Variants in CORO7 observed in about 807,000 individuals in gnomAD.
The protein encoded by CORO7 is coronin-7.
Under a neutral mutation model 126.6 loss-of-function variants are expected in CORO7, and 107 were observed. The ratio of observed to expected loss-of-function variants is 0.85; its 90% CI spans 0.72 to 0.99. The LOEUF (loss-of-function observed/expected upper bound fraction) is 0.99. Among genes scored for constraint, CORO7 ranks in the 50% least tolerant of loss-of-function variants. The pLI, the probability that CORO7 is intolerant of heterozygous loss-of-function variation, is 0.00. For synonymous variants in CORO7, 603 were observed against 536.8 expected, an observed-to-expected ratio of 1.12 and a Z score of -1.70; for missense variants, 1,314 against 1,255.8, an observed-to-expected ratio of 1.05 and a Z score of -0.70.
At chr16:4,361,928 G>T (rs774524920) in intron 16 of CORO7, 57 bp downstream of exon 16, 93 of 1,552,380 alleles carry the variant, frequency 6.0e-5, no homozygotes, top group Non-Finnish European at 8.1e-5. Flanking sequence ...AAGGCCCTCC[G>T]CGTCTTTGCC....
chr16:4,415,713 A>T (rs79615494), intron 1 of CORO7: 42,089 of 985,458 alleles, frequency 0.043, 964 homozygotes, highest in Admixed American at 0.1. Flanking sequence ...CCCAGGCCTT[A>T]CAAATAACAC....
At position 4,380,826 on chromosome 16, in the gene CORO7, C is replaced by T. The variant is rs756677606; in HGVS notation, c.785+7160G>A. ...TCCTGGCGTGTCTGCCTTCTAGGCC[C>T]CTGACTCACAGTCTTCTGTCTCTGC... On this transcript the variant is annotated intron_variant, in intron 9 of 27. Coordinates refer to ENST00000251166, the MANE Select transcript of CORO7 (RefSeq NM_024535.5). 2.2e-4 allele frequency: 309 copies of T among 1,431,198 alleles called. 1 individual carries two copies. Among genetic ancestry groups the T allele is most frequent in the Non-Finnish European group, 4.6e-5 (50 of 1,095,320 alleles). 88.7% of individuals were successfully genotyped at this position (1,431,198 alleles called of 1,614,324 possible).
intron 9 of CORO7, among the ~76,000 whole-genome samples, chr16:4,377,399 C>T (rs1430709083): frequency 1.6e-4 from 24 of 152,136 alleles, no homozygotes; most frequent in Admixed American, 1.5e-3. Context: ...TGTAGACAGC[C>T]CCCAGCCCCA....
Position 4,416,464 on chromosome 16 carries a change from G to A in CORO7, c.55C>T (p.Arg19Cys). The change falls in exon 1 of 28, where the codon CGC becomes TGC. Residue 19 changes from arginine to cysteine, a missense_variant. Coordinates refer to ENST00000251166, the MANE Select transcript of CORO7 (RefSeq NM_024535.5). ...GGTCCTCGGGCCGGACTCACCTCGC[G>A]GCGGGGCGGCCGAGCCTCGGTGTGC... ...FRHTEARPPR[R>C]ESWISDIRAG... 6.4e-7 allele frequency: 1 copy of A among 1,574,360 alleles called. No homozygotes were observed. The highest frequency in any genetic ancestry group is 8.6e-7 in the Non-Finnish European group (1 of 1,164,282).
intron 2 of CORO7, chr16:4,412,733 C>T (rs755230949): frequency 5.0e-6 from 2 of 400,274 alleles, no homozygotes. Flanking sequence ...CCGTCAGCCA[C>T]TTTTCGCACT....
intron 3 of CORO7, 31 bp downstream of exon 3, chr16:4,412,324 AG>A: frequency 6.2e-7 from 1 of 1,612,040 alleles, no homozygotes; most frequent in Non-Finnish European, 8.5e-7. Flanking sequence ...TGCAAGTTTC[AG>A]GCTTCACCCA....
chr16:4,402,967 A>C (rs2055866894), intron 6 of CORO7, among the ~76,000 whole-genome samples: 1 of 152,036 alleles, frequency 6.6e-6, no homozygotes, highest in African/African-American at 2.4e-5. Flanking sequence ...ACACAGAGGC[A>C]GGACAGGAGT....
At chr16:4,389,271 C>T (rs775406816) in intron 7 of CORO7, among the ~76,000 whole-genome samples, 17 of 152,144 alleles carry the variant, frequency 1.1e-4, no homozygotes, top group African/African-American at 1.7e-4. Context: ...GGAAGGCTCC[C>T]GGCCCCTGGG....
At chr16:4,383,274 C>T in intron 9 of CORO7, 1 of 253,388 alleles carries the variant, frequency 3.9e-6, no homozygotes. Flanking sequence ...CCGGAAAGAG[C>T]AGAGGGAGAG....
rs2054323122 is a variant in CORO7, at chr16:4,365,551, G to A, written c.786-6C>T. The stretch of plus-strand genomic sequence containing the variant: ...CCAGCAGAGGCACGAGACACCTGGG[G>A]AAGAGAGGGCAAGATGGCGGGTCAG... On this transcript the variant is annotated splice_polypyrimidine_tract_variant and splice_region_variant and intron_variant, in intron 9 of 27. Coordinates refer to ENST00000251166, the MANE Select transcript of CORO7 (RefSeq NM_024535.5). 3.2e-6 allele frequency: 5 copies of A among 1,577,838 alleles called. No individual in the cohort carries two copies. The highest frequency in any genetic ancestry group is 4.3e-6 in the Non-Finnish European group (5 of 1,161,974).
At chr16:4,381,503 A>AG (rs1456547154) in intron 9 of CORO7, 1 of 1,593,178 alleles carries the variant, frequency 6.3e-7, no homozygotes, top group Admixed American at 1.7e-5. Flanking sequence ...CAGCTGGACG[A>AG]GGGGCTCTTC....
Position 4,362,734 on chromosome 16 carries a change from C to G in CORO7, c.1280G>C (p.Gly427Ala). Reference protein sequence around the residue: ...TPVGDADASEGFSSPPSSLTS... With the variant: ...TPVGDADASEAFSSPPSSLTS... ...CAGCGAACTGGGAGGGGAAGAGAAA[C>G]CCTCCTGGGGAGGGGCATGGGGTCA... Residue 427 changes from glycine (G) to alanine (A), a missense_variant, in exon 15 of 28, where the codon GGT becomes GCT. Gly to Ala is a moderately conservative substitution (Grantham distance 60). Coordinates refer to ENST00000251166, the MANE Select transcript of CORO7 (RefSeq NM_024535.5). The surrounding 1 kb of genome is among the most constrained non-coding windows in gnomAD (Gnocchi z 5.3). 1 of 1,423,872 alleles carries G rather than the reference C, an allele frequency of 7.0e-7. No individual in the cohort carries two copies. The highest frequency in any genetic ancestry group is 2.7e-5 in the East Asian group (1 of 36,428). 88.2% of individuals were successfully genotyped at this position (1,423,872 alleles called of 1,614,324 possible). A position where few individuals can be genotyped will look rare whatever the true frequency, so the allele number is the denominator to read the frequency against.
intron 7 of CORO7, among the ~76,000 whole-genome samples, chr16:4,390,254 C>T (rs2055340702): frequency 6.6e-6 from 1 of 152,088 alleles, no homozygotes; most frequent in African/African-American, 2.4e-5. Context: ...AGCTCTGTGC[C>T]TCAGTTTCCA....
At chr16:4,391,171 CCAA>C (rs1338422122) in intron 7 of CORO7, among the ~76,000 whole-genome samples, 1 of 152,176 alleles carries the variant, frequency 6.6e-6, no homozygotes, top group African/African-American at 2.4e-5. Flanking sequence ...TGCCGTAATC[CCAA>C]CACTTTGGGA....
chr16:4,381,228 T>A, intron 9 of CORO7: 1 of 1,612,190 alleles, frequency 6.2e-7, no homozygotes. Context: ...AAATCACCAA[T>A]GAGACCTTCC....
Position 4,364,874 on chromosome 16 carries a change from C to T in CORO7, c.945G>A (p.Val315=). The T allele has an allele frequency of 2.5e-6, 4 of 1,611,890 alleles. No individual in the cohort carries two copies. The highest frequency in any genetic ancestry group is 3.4e-6 in the Non-Finnish European group (4 of 1,179,688). The change falls in exon 12 of 28, where the codon GTG becomes GTA. Residue 315 remains valine (V), a synonymous_variant. Transcript: ENST00000251166. ...TCATGACGGCCAGCGCCTGCCGGGG[C>T]ACAAGGGCAGCCCCACGCAGCACGC... ...LESVLRGAAL[V]PRQALAVMSC...
At chr16:4,379,881 A>T (rs1026796925) in intron 9 of CORO7, among the ~76,000 whole-genome samples, 1 of 21,958 alleles carries the variant, frequency 4.6e-5, no homozygotes. Flanking sequence ...TGTCTCTACT[A>T]AAAAAAAAAA....
rs201907324 is a variant in CORO7, at chr16:4,364,833, C to T, written c.986G>A (p.Arg329His). ...ALAVMSCEVLRVLQLSDTAIV... is the reference protein window; with the variant it reads ...ALAVMSCEVLHVLQLSDTAIV... ...GGCTGTGTCGCTCAGCTGTAGGACG[C>T]GGAGTACCTCGCAGCTCATGACGGC... Residue 329 changes from arginine to histidine, a missense_variant, in exon 12 of 28, where the codon CGC (arginine) becomes CAC (histidine). Transcript: ENST00000251166. 1.8e-5 allele frequency: 29 copies of T among 1,612,184 alleles called. No individual in the cohort carries two copies. Among genetic ancestry groups the T allele is most frequent in the Non-Finnish European group, 2.2e-5 (26 of 1,179,888 alleles).
chr16:4,377,456 C>T (rs2054781475), intron 9 of CORO7, among the ~76,000 whole-genome samples: 1 of 152,148 alleles, frequency 6.6e-6, no homozygotes, highest in African/African-American at 2.4e-5. Flanking sequence ...CGGGACAGCT[C>T]CCAGAACTTG....
Sources: gnomAD v4.1 joint callset for allele counts (sites outside exome capture counted in the v4.1 genomes callset) on GRCh38, gnomAD v4.1.1 for gene constraint, Gnocchi (gnomAD v3.1) non-coding constraint, MANE v1.5 for transcripts, NCBI Gene and HGNC (gene_info 2026-07-23, HGNC 2026-07-21) for gene names.